The following TOGARAM1 variants were observed in gnomAD, a reference collection of about 807,000 sequenced individuals.
The protein encoded by TOGARAM1 is TOG array regulator of axonemal microtubules 1.
Under a neutral mutation model 166.6 loss-of-function variants are expected in TOGARAM1, and 100 were observed. That is an observed-to-expected ratio of 0.60 (90% CI 0.51 to 0.71). The LOEUF (loss-of-function observed/expected upper bound fraction) is 0.71, where lower values mean the gene tolerates loss of function less well. TOGARAM1 is among the 30% of genes least tolerant of loss of function. TOGARAM1 has a pLI of 0.00. For synonymous variants in TOGARAM1, 758 were observed against 763.8 expected, an observed-to-expected ratio of 0.99 and a Z score of 0.13; for missense variants, 2,029 against 2,102.7, an observed-to-expected ratio of 0.96 and a Z score of 0.69.
intron 11 of TOGARAM1, among the ~76,000 whole-genome samples, chr14:45,042,952 T>G (rs1208043025): frequency 6.6e-6 from 1 of 152,226 alleles, no homozygotes; most frequent in Non-Finnish European, 1.5e-5. Flanking sequence ...AGGAGATTAA[T>G]GTTGTTTTCA....
At chr14:44,972,961 C>A (rs1471450181) in intron 1 of TOGARAM1, among the ~76,000 whole-genome samples, 1 of 152,074 alleles carries the variant, frequency 6.6e-6, no homozygotes, top group East Asian at 1.9e-4. Flanking sequence ...CTTAAAGTGG[C>A]AGTCTTGAAT....
At chr14:45,063,405 G>T (rs1421355589) in intron 16 of TOGARAM1, among the ~76,000 whole-genome samples, 1 of 150,800 alleles carries the variant, frequency 6.6e-6, no homozygotes, top group Admixed American at 6.6e-5. Flanking sequence ...GTGTAAAAGG[G>T]TTCAATTTTT....
chr14:44,987,040 ATGT>A (rs1045403015), intron 1 of TOGARAM1, among the ~76,000 whole-genome samples: 7 of 151,672 alleles, frequency 4.6e-5, no homozygotes, highest in African/African-American at 1.7e-4. Context: ...AGAAAAAAAA[ATGT>A]TGTTGCCAAA....
chr14:45,053,032 CTTTTTTTTT>C (rs1177460413), intron 15 of TOGARAM1, among the ~76,000 whole-genome samples: 2 of 128,674 alleles, frequency 1.6e-5, no homozygotes, highest in African/African-American at 2.8e-5. Flanking sequence ...AGTGCAATGT[CTTTTTTTTT>C]TTTTTTTTTT....
chr14:45,054,921 A>G (rs950134764), intron 16 of TOGARAM1, among the ~76,000 whole-genome samples: 2 of 152,144 alleles, frequency 1.3e-5, no homozygotes, highest in African/African-American at 4.8e-5. Flanking sequence ...AAAGCATTAC[A>G]AGGATTTGGA....
chr14:45,011,429 C>T (rs1293801303), intron 6 of TOGARAM1, among the ~76,000 whole-genome samples: 1 of 152,082 alleles, frequency 6.6e-6, no homozygotes, highest in African/African-American at 2.4e-5. Context: ...CCTCCCACCT[C>T]GGCCTCTGTA....
At chr14:44,973,760 A>G (rs375972960) in intron 1 of TOGARAM1, among the ~76,000 whole-genome samples, 4 of 151,310 alleles carry the variant, frequency 2.6e-5, no homozygotes, top group African/African-American at 9.7e-5. Context: ...CTTGTGAAAG[A>G]TTATTTCCCA....
chr14:44,979,016 A>C (rs1417765750), intron 1 of TOGARAM1, among the ~76,000 whole-genome samples: 3 of 151,504 alleles, frequency 2.0e-5, no homozygotes, highest in African/African-American at 7.3e-5. Flanking sequence ...ATGTGGACAA[A>C]ATAGAAATAA....
At chr14:45,035,189 G>C (rs558315663) in intron 11 of TOGARAM1, among the ~76,000 whole-genome samples, 1 of 152,106 alleles carries the variant, frequency 6.6e-6, no homozygotes, top group South Asian at 2.1e-4. Context: ...GCAAAATCCT[G>C]TGTCTACCAA....
intron 1 of TOGARAM1, among the ~76,000 whole-genome samples, chr14:44,990,484 G>A (rs1056628630): frequency 6.6e-6 from 1 of 152,196 alleles, no homozygotes; most frequent in African/African-American, 2.4e-5. Flanking sequence ...CTCCTGTTTG[G>A]ACTCAGAGGG....
At chr14:45,021,689 A>C (rs2138889770) in intron 7 of TOGARAM1, among the ~76,000 whole-genome samples, 1 of 152,270 alleles carries the variant, frequency 6.6e-6, no homozygotes, top group South Asian at 2.1e-4. Flanking sequence ...CGGTTGGGGT[A>C]GATAAAATGA....
intron 4 of TOGARAM1, among the ~76,000 whole-genome samples, chr14:45,004,979 A>T (rs961771823): frequency 6.6e-6 from 1 of 151,676 alleles, no homozygotes; most frequent in Admixed American, 6.6e-5. Context: ...CTGGAGTGCA[A>T]TGGTGCGATC....
At chr14:45,040,290 T>A (rs951936519) in intron 11 of TOGARAM1, among the ~76,000 whole-genome samples, 4 of 152,138 alleles carry the variant, frequency 2.6e-5, no homozygotes, top group African/African-American at 7.2e-5. Context: ...ACATCAAAAT[T>A]TATGGGATGT....
intron 1 of TOGARAM1, among the ~76,000 whole-genome samples, chr14:44,985,604 A>G (rs1204029821): frequency 6.6e-6 from 1 of 152,190 alleles, no homozygotes. Context: ...CGCTGATCTG[A>G]CAGGAGGCAG....
At chr14:44,998,266 T>C (rs1425301877) in intron 2 of TOGARAM1, among the ~76,000 whole-genome samples, 1 of 152,256 alleles carries the variant, frequency 6.6e-6, no homozygotes, top group Non-Finnish European at 1.5e-5. Flanking sequence ...ATTTCCTAAT[T>C]GTACAGATTC....
At chr14:44,979,635 A>C (rs1307268952) in intron 1 of TOGARAM1, among the ~76,000 whole-genome samples, 2 of 152,228 alleles carry the variant, frequency 1.3e-5, no homozygotes, top group African/African-American at 4.8e-5. Context: ...TAACTTCCTT[A>C]AGGTCTCTTA....
chr14:45,028,405 G>A (rs1880983283), intron 10 of TOGARAM1, 76 bp downstream of exon 10: 4 of 1,394,354 alleles, frequency 2.9e-6, no homozygotes, highest in Non-Finnish European at 3.9e-6. Flanking sequence ...TTTCACTGAG[G>A]GTAATATATG....
At chr14:44,993,435 AT>A (rs1319940979) in intron 1 of TOGARAM1, among the ~76,000 whole-genome samples, 1 of 152,192 alleles carries the variant, frequency 6.6e-6, no homozygotes, top group Non-Finnish European at 1.5e-5. Flanking sequence ...AATTAAATAA[AT>A]TTTTAGGTAT....
chr14:45,046,417 C>T (rs1205193775), intron 13 of TOGARAM1, 128 bp from the exon 14 acceptor site: 4 of 715,476 alleles, frequency 5.6e-6, no homozygotes, highest in Non-Finnish European at 5.8e-6. Flanking sequence ...GCCTCAGTGA[C>T]AGAGCAAGAC....
Sources: gnomAD v4.1 joint callset for allele counts (sites outside exome capture counted in the v4.1 genomes callset) on GRCh38, gnomAD v4.1.1 for gene constraint, MANE v1.5 for transcripts, NCBI Gene and HGNC (gene_info 2026-07-23, HGNC 2026-07-21) for gene names.